The following HAS3 variants were observed in gnomAD, a reference collection of about 807,000 sequenced individuals.
The protein encoded by HAS3 is hyaluronan synthase 3, also known as HA synthase 3.
Under a neutral mutation model 50.3 loss-of-function variants are expected in HAS3, and 27 were observed. The observed-to-expected ratio is 0.54, with a 90% CI of 0.40 to 0.74. The LOEUF is 0.74. HAS3 is among the 30% of genes least tolerant of loss of function. The probability of loss-of-function intolerance (pLI) is 0.00; values close to 1 mark genes in which losing one functional copy is unlikely to be tolerated. For missense variants in HAS3, 517 were observed against 742.8 expected (o/e 0.70, Z 3.53); for synonymous variants, 339 against 310.9 (o/e 1.09, Z -0.95).
chr16:69,113,615 GA>G, intron 3 of HAS3, 73 bp downstream of exon 3: 1 of 890,730 alleles, frequency 1.1e-6, no homozygotes, highest in Non-Finnish European at 1.8e-6. Context: ...ATATGCCTGG[GA>G]AATGGGTGTC....
the HAS3 span, chr16:69,084,850 C>A: frequency 6.6e-6 from 1 of 152,342 alleles, no homozygotes; most frequent in Non-Finnish European, 1.5e-5. Context: ...GATCTATACA[C>A]AAACATGGCT....
At chr16:69,083,635 G>T in the HAS3 span, 4 of 1,567,650 alleles carry the variant, frequency 2.6e-6, no homozygotes, top group Non-Finnish European at 1.7e-6. Context: ...ACAGAAGCTG[G>T]AGAAGAAGAT....
the HAS3 span, among the ~76,000 whole-genome samples, chr16:69,093,772 C>T: frequency 3.3e-5 from 5 of 151,710 alleles, no homozygotes; most frequent in Admixed American, 6.6e-5. Context: ...TCAGGTGATC[C>T]GCCCACCTCA....
the HAS3 span, among the ~76,000 whole-genome samples, chr16:69,098,307 T>G: frequency 6.6e-6 from 1 of 151,596 alleles, no homozygotes; most frequent in African/African-American, 2.4e-5. Flanking sequence ...GGAGGCAGAG[T>G]TTGCAGTGAG....
the HAS3 span, among the ~76,000 whole-genome samples, chr16:69,094,009 G>T: frequency 6.6e-6 from 1 of 152,210 alleles, no homozygotes; most frequent in African/African-American, 2.4e-5. Flanking sequence ...AAATCAGTCA[G>T]TTGGCCAGCC....
chr16:69,104,684 T>C (rs1365989792), upstream of HAS3, among the ~76,000 whole-genome samples: 2 of 152,118 alleles, frequency 1.3e-5, no homozygotes, highest in Non-Finnish European at 2.9e-5. Context: ...CCTCAAGCGA[T>C]CCTCCATCTT....
chr16:69,116,291 G>A lies in HAS3; in HGVS notation c.*1025G>A. The A allele has an allele frequency of 3.0e-6, 3 of 985,700 alleles. No homozygotes were observed. The highest frequency in any genetic ancestry group is 9.4e-5 in the South Asian group (2 of 21,288). 61.1% of individuals were successfully genotyped at this position (985,700 alleles called of 1,614,324 possible). A position where few individuals can be genotyped will look rare whatever the true frequency, so the allele number is the denominator to read the frequency against. On this transcript the variant is annotated 3_prime_UTR_variant, in exon 4 of 4. Coordinates refer to ENST00000569188, the MANE Select transcript of HAS3 (RefSeq NM_001199280.2). ...TTTTCAAGGTGGCAATTGGGGCGGAGCCCCGGCTCTTATAGAAGCTTCAGC... is the reference window on the plus strand; with the variant it reads ...TTTTCAAGGTGGCAATTGGGGCGGAACCCCGGCTCTTATAGAAGCTTCAGC...
At chr16:69,112,747 G>A (rs1222773628) in intron 2 of HAS3, among the ~76,000 whole-genome samples, 1 of 152,226 alleles carries the variant, frequency 6.6e-6, no homozygotes, top group Non-Finnish European at 1.5e-5. Context: ...GAGACCACCT[G>A]TTAGAATCAG....
the HAS3 span, among the ~76,000 whole-genome samples, chr16:69,094,268 G>A: frequency 6.6e-6 from 1 of 152,160 alleles, no homozygotes; most frequent in Non-Finnish European, 1.5e-5. Flanking sequence ...CACACACACA[G>A]GTAGCCACCT....
intron 2 of HAS3, among the ~76,000 whole-genome samples, chr16:69,110,704 G>A (rs779726521): frequency 6.6e-6 from 1 of 152,202 alleles, no homozygotes. Context: ...CCCATTGCTA[G>A]TAGGGTGCAG....
intron 1 of HAS3, among the ~76,000 whole-genome samples, chr16:69,108,959 C>T (rs1960903271): frequency 6.6e-6 from 1 of 152,172 alleles, no homozygotes; most frequent in Non-Finnish European, 1.5e-5. Context: ...TGGCTGCCTC[C>T]CTGGCCCTCA....
At chr16:69,099,264 C>G in the HAS3 span, among the ~76,000 whole-genome samples, 1 of 151,982 alleles carries the variant, frequency 6.6e-6, no homozygotes, top group African/African-American at 2.4e-5. Flanking sequence ...AGCCACCGCG[C>G]CCGGCCAAAC....
At chr16:69,091,823 G>A in the HAS3 span, among the ~76,000 whole-genome samples, 4 of 152,182 alleles carry the variant, frequency 2.6e-5, no homozygotes, top group East Asian at 3.8e-4. Context: ...TCATCTCTGA[G>A]ACTCTGCCCT....
At chr16:69,094,519 G>A in the HAS3 span, among the ~76,000 whole-genome samples, 1 of 152,194 alleles carries the variant, frequency 6.6e-6, no homozygotes, top group African/African-American at 2.4e-5. Flanking sequence ...AAGGACAGGT[G>A]CTAAGTTGTG....
At chr16:69,097,391 G>A in the HAS3 span, among the ~76,000 whole-genome samples, 1 of 151,054 alleles carries the variant, frequency 6.6e-6, no homozygotes, top group Admixed American at 6.6e-5. Context: ...AGGTTGCAGC[G>A]AGCCAAGATC....
At chr16:69,103,003 ATGTG>A (rs35175934), upstream of HAS3, among the ~76,000 whole-genome samples, 14,521 of 138,644 alleles carry the variant, frequency 0.1, 709 homozygotes, top group South Asian at 0.15. Flanking sequence ...TGGAGTGTGC[ATGTG>A]TGTGTGTGTG....
chr16:69,109,280 C>T lies in HAS3; in HGVS notation c.1-116C>T, dbSNP rs554714568. The stretch of plus-strand genomic sequence containing the variant: ...TCTACCAAGTCTTATGCTCAGTAAG[C>T]GGTAACGGTTTTGATCAGTGGGTCA... On this transcript the variant is annotated intron_variant, in intron 1 of 3. Coordinates refer to ENST00000569188, the MANE Select transcript of HAS3 (RefSeq NM_001199280.2). The surrounding 1 kb of genome is among the most constrained non-coding windows in gnomAD (Gnocchi z 5.3). 2.2e-5 allele frequency: 23 copies of T among 1,029,612 alleles called. No homozygotes were observed. Among genetic ancestry groups the T allele is most frequent in the Middle Eastern group, 2.1e-4 (1 of 4,680 alleles). 63.8% of individuals were successfully genotyped at this position (1,029,612 alleles called of 1,614,324 possible). A position where few individuals can be genotyped will look rare whatever the true frequency, so the allele number is the denominator to read the frequency against.
At chr16:69,112,328 A>G (rs113232766) in intron 2 of HAS3, among the ~76,000 whole-genome samples, 3 of 152,282 alleles carry the variant, frequency 2.0e-5, no homozygotes, top group African/African-American at 7.2e-5. Context: ...ACCAGGATGT[A>G]AGGATATGCC....
Position 69,109,579 on chromosome 16 carries a change from T to C in HAS3, c.184T>C (p.Phe62Leu). ...CCTGCACCTGCTCATTCAGAGCCTT[T>C]TTGCCTTCCTGGAGCACCGGCGCAT... ...LGLHLLIQSL[F>L]AFLEHRRMRR... Residue 62 changes from phenylalanine to leucine, a missense_variant, in exon 2 of 4, where the codon TTT becomes CTT. Physicochemically the swap from Phe to Leu is conservative, Grantham distance 22. Coordinates refer to ENST00000569188, the MANE Select transcript of HAS3 (RefSeq NM_001199280.2). This position sits in a 1 kb window ranked among gnomAD's most constrained non-coding sequence, Gnocchi z 5.3. The C allele has an allele frequency of 6.2e-7, 1 of 1,613,440 alleles. No individual in the cohort carries two copies. The highest frequency in any genetic ancestry group is 8.5e-7 in the Non-Finnish European group (1 of 1,180,012).
Sources: allele counts gnomAD v4.1 joint callset (sites outside exome capture counted in the v4.1 genomes callset), GRCh38; gene constraint gnomAD v4.1.1; non-coding constraint Gnocchi (gnomAD v3.1); transcripts MANE v1.5; gene names NCBI Gene and HGNC (gene_info 2026-07-23, HGNC 2026-07-21).